MDN1: variants seen among roughly 807,000 people sequenced by gnomAD.
MDN1 encodes midasin AAA ATPase 1, also known as midasin.
In MDN1, 266 loss-of-function variants were observed where a neutral mutation model predicts 669.2. The observed-to-expected ratio is 0.40, with a 90% CI of 0.36 to 0.44. The LOEUF is 0.44. MDN1 is among the 20% of genes least tolerant of loss of function. The pLI, the probability that MDN1 is intolerant of heterozygous loss-of-function variation, is 1.00. For missense variants in MDN1, 5,940 were observed against 6,754.0 expected (o/e 0.88, Z 4.22); for synonymous variants, 2,385 against 2,457.1 (o/e 0.97, Z 0.87).
At chr6:89,758,385 G>T in intron 18 of MDN1, 34 bp from the exon 19 acceptor site, 1 of 1,530,670 alleles carries the variant, frequency 6.5e-7, no homozygotes. Flanking sequence ...CTCAACAAAG[G>T]TATGATTATC....
rs370270930 is a variant in MDN1, at chr6:89,774,585, C to T, written c.1934+36G>A. 3.0e-5 allele frequency: 45 copies of T among 1,502,090 alleles called. No homozygotes were observed. In the African/African-American group the frequency reaches 5.7e-4, roughly 19 times the overall value. 93.0% of individuals were successfully genotyped at this position (1,502,090 alleles called of 1,614,324 possible). On this transcript the variant is annotated intron_variant, in intron 13 of 101. Coordinates refer to ENST00000369393, the MANE Select transcript of MDN1 (RefSeq NM_014611.3). ...GACCTTCTGTCAAGTTTCTGGAAACCCCACAGTTGGCAGCTTAGTTTAGAG... is the reference window on the plus strand; with the variant it reads ...GACCTTCTGTCAAGTTTCTGGAAACTCCACAGTTGGCAGCTTAGTTTAGAG...
chr6:89,722,605 T>C (rs1455177886), intron 40 of MDN1, among the ~76,000 whole-genome samples: 4 of 152,094 alleles, frequency 2.6e-5, no homozygotes, highest in Non-Finnish European at 4.4e-5. Flanking sequence ...TCCCAGCACT[T>C]TGGGAGGCTG....
Position 89,673,350 on chromosome 6 carries a change from C to G in MDN1, c.13360G>C (p.Asp4454His). ...ILPGMEVEQR[D>H]SQMALVESLE... ...CTTTCAACTAGTGCCATTTGTGAGT[C>G]TCTTTGCTCAACCTCCATCCCTGGA... Residue 4454 changes from aspartate to histidine, a missense_variant, in exon 80 of 102, where the codon GAC becomes CAC. Around this residue, in one of 5 missense-constraint regions of MDN1, gnomAD observed 2,280 missense variants for 2,576.3 expected, o/e 0.88. Coordinates refer to ENST00000369393, the MANE Select transcript of MDN1 (RefSeq NM_014611.3). 6.2e-7 allele frequency: 1 copy of G among 1,614,160 alleles called. No homozygotes were observed. The highest frequency in any genetic ancestry group is 8.5e-7 in the Non-Finnish European group (1 of 1,180,010).
At chr6:89,792,537 C>T (rs1452683019) in intron 5 of MDN1, among the ~76,000 whole-genome samples, 1 of 151,704 alleles carries the variant, frequency 6.6e-6, no homozygotes, top group Non-Finnish European at 1.5e-5. Flanking sequence ...GGGAAGGGGA[C>T]GGGTCTTCAC....
At chr6:89,674,754 A>T (rs1811068534) in intron 78 of MDN1, among the ~76,000 whole-genome samples, 165 bp from the exon 79 acceptor site, 1 of 152,214 alleles carries the variant, frequency 6.6e-6, no homozygotes, top group Non-Finnish European at 1.5e-5. Flanking sequence ...AATGCCTCCC[A>T]AAGTACTTAA....
At chr6:89,739,576 T>G (rs894372212) in intron 32 of MDN1, among the ~76,000 whole-genome samples, 5 of 152,188 alleles carry the variant, frequency 3.3e-5, no homozygotes, top group Non-Finnish European at 5.9e-5. Context: ...CATCACTCTC[T>G]TCCTAACTTT....
chr6:89,644,200 A>T lies in MDN1; in HGVS notation c.16603-7T>A, dbSNP rs546520419. On this transcript the variant is annotated splice_region_variant and splice_polypyrimidine_tract_variant and intron_variant, in intron 101 of 101. Transcript: ENST00000369393. Reference sequence around the variant, plus strand: ...TAATGTCCAAGATAGAATCCTGTCAACAAAAGACATTTTGAAATGGGGAGG... The same window carrying T: ...TAATGTCCAAGATAGAATCCTGTCATCAAAAGACATTTTGAAATGGGGAGG... 6.3e-7 allele frequency: 1 copy of T among 1,599,428 alleles called. No individual in the cohort carries two copies. Among genetic ancestry groups the T allele is most frequent in the South Asian group, 1.1e-5 (1 of 88,826 alleles).
chr6:89,745,216 C>G, intron 29 of MDN1, 57 bp downstream of exon 29: 1 of 1,485,432 alleles, frequency 6.7e-7, no homozygotes, highest in Non-Finnish European at 9.1e-7. Flanking sequence ...AGTGATAACT[C>G]AAGTAATCCT....
In MDN1 at chr6:89,758,861, C is replaced by T. The variant is rs747432849; in HGVS notation, c.2560G>A (p.Glu854Lys). The change falls in exon 18 of 102, where the codon GAA (glutamate) becomes AAA (lysine). Residue 854 changes from glutamate (E) to lysine (K), a missense_variant. Physicochemically the swap from Glu to Lys is moderately conservative, Grantham distance 56 (BLOSUM62 1). Coordinates refer to ENST00000369393, the MANE Select transcript of MDN1 (RefSeq NM_014611.3). ...AACACCAGGGATCCAGAAGATCCTT[C>T]AAGCAAACCACTCAGACATTCTAGT... The part of the protein sequence containing the change: ...EILECLSGLL[E>K]GSSGSLVLLD... The T allele has an allele frequency of 2.5e-6, 4 of 1,614,144 alleles. No homozygotes were observed. The South Asian group carries it at 4.4e-5, about 18-fold the overall frequency.
Position 89,776,714 on chromosome 6 carries a change from T to TA in MDN1, c.1726-20dup, listed in dbSNP as rs1409464606. The TA allele has an allele frequency of 6.7e-7, 1 of 1,503,730 alleles. No individual in the cohort carries two copies. The highest frequency in any genetic ancestry group is 2.1e-5 in the Admixed American group (1 of 48,216). The allele number at this position is 1,503,730 out of a possible 1,614,324, so 93.1% of individuals were successfully genotyped here. A position where few individuals can be genotyped will look rare whatever the true frequency, so the allele number is the denominator to read the frequency against. On this transcript the variant is annotated intron_variant, in intron 11 of 101. Coordinates refer to ENST00000369393, the MANE Select transcript of MDN1 (RefSeq NM_014611.3). Reference sequence around the variant, plus strand: ...CTAGAGCCTATTAAAATAACCAAGGTAAATGCTGACTGATTTTTAAAATAA... The same window carrying TA: ...CTAGAGCCTATTAAAATAACCAAGGTAAAATGCTGACTGATTTTTAAAATAA...
In MDN1 at chr6:89,744,103, T is replaced by TAA. The variant is rs576136951; in HGVS notation, c.4179-391_4179-390dup. 2.8e-3 allele frequency among the ~76,000 whole-genome samples: 101 copies of TAA among 36,698 alleles called. 1 individual carries two copies. Among genetic ancestry groups the TAA allele is most frequent in the Middle Eastern group, 0.019 (1 of 54 alleles). The allele number at this position is 36,698 out of a possible 152,430, so 24.1% of individuals were successfully genotyped here. Reference sequence around the variant, plus strand: ...GGGTAACAAGAGCGGAATGCCTTCTTAAAAAAAAAAAAAAAAAAAAAAAAA... The same window carrying TAA: ...GGGTAACAAGAGCGGAATGCCTTCTTAAAAAAAAAAAAAAAAAAAAAAAAAAA... On this transcript the variant is annotated intron_variant, in intron 29 of 101. Coordinates refer to ENST00000369393, the MANE Select transcript of MDN1 (RefSeq NM_014611.3).
chr6:89,743,256 A>G lies in MDN1; in HGVS notation c.4342T>C (p.Phe1448Leu), dbSNP rs1396954772. The G allele has an allele frequency of 9.9e-6, 16 of 1,614,090 alleles. No individual in the cohort carries two copies. The highest frequency in any genetic ancestry group is 1.3e-5 in the African/African-American group (1 of 74,932). Residue 1448 changes from phenylalanine (F) to leucine (L), a missense_variant, in exon 31 of 102, where the codon TTT (phenylalanine) becomes CTT (leucine). Transcript: ENST00000369393. ...ACCAGAGGCCCATCATGCCACTCAA[A>G]GAGTCTTGATGTGTCAATTTCTTCC... The part of the protein sequence containing the change: ...DKEEIDTSRL[F>L]EWHDGPLVQA...
At chr6:89,720,627 CTA>C (rs1304525877) in intron 40 of MDN1, among the ~76,000 whole-genome samples, 2 of 152,116 alleles carry the variant, frequency 1.3e-5, no homozygotes, top group Non-Finnish European at 2.9e-5. Flanking sequence ...CAGCACCTGA[CTA>C]ATCAATCATT....
At chr6:89,774,856 T>C (rs1818276494) in intron 12 of MDN1, 123 bp from the exon 13 acceptor site, 16 of 620,474 alleles carry the variant, frequency 2.6e-5, no homozygotes, top group East Asian at 5.8e-5. Context: ...ACTTCCCAGA[T>C]AGTTGAGTTG....
intron 15 of MDN1, among the ~76,000 whole-genome samples, chr6:89,765,560 C>T (rs556235372): frequency 2.3e-4 from 35 of 152,212 alleles, no homozygotes; most frequent in Non-Finnish European, 4.7e-4. Context: ...GCAATACTCC[C>T]ACCTTTGCCT....
chr6:89,801,126 T>C (rs975983866), intron 2 of MDN1, among the ~76,000 whole-genome samples: 1 of 152,234 alleles, frequency 6.6e-6, no homozygotes, highest in African/African-American at 2.4e-5. Context: ...CTGGGTGTGG[T>C]GGCTCATGTC....
At chr6:89,645,954 C>A (rs756042767) in intron 100 of MDN1, among the ~76,000 whole-genome samples, 14 of 152,132 alleles carry the variant, frequency 9.2e-5, no homozygotes, top group Non-Finnish European at 1.9e-4. Flanking sequence ...ATATTATGTC[C>A]TTCTCTACTT....
intron 1 of MDN1, among the ~76,000 whole-genome samples, chr6:89,803,890 C>CTTTCTTTTTTTTTTTTTTTTTTT (rs377468650): frequency 3.2e-5 from 3 of 93,224 alleles, no homozygotes; most frequent in Admixed American, 1.5e-4. Flanking sequence ...CTTTTCTTTT[C>CTTTCTTTTTTTTTTTTTTTTTTT]TTTTCTTTTT....
At chr6:89,728,300 T>C (rs1332280357) in intron 36 of MDN1, among the ~76,000 whole-genome samples, 2 of 152,216 alleles carry the variant, frequency 1.3e-5, no homozygotes, top group African/African-American at 4.8e-5. Context: ...TGTACCATAT[T>C]TTCCTTAGAT....
Sources: allele counts gnomAD v4.1 joint callset (sites outside exome capture counted in the v4.1 genomes callset), GRCh38; gene constraint gnomAD v4.1.1; regional missense constraint gnomAD v4.1.1; transcripts MANE v1.5; gene names NCBI Gene and HGNC (gene_info 2026-07-23, HGNC 2026-07-21).